Variants in VPS37D observed in about 807,000 individuals in gnomAD.
The protein encoded by VPS37D is vacuolar protein sorting-associated protein 37D.
A neutral mutation model predicts 22.0 loss-of-function variants in VPS37D; 5 were observed. That is an observed-to-expected ratio of 0.23 (90% CI 0.12 to 0.48). The LOEUF is 0.48. VPS37D is among the 20% of genes least tolerant of loss of function. VPS37D has a pLI of 0.99. For missense variants in VPS37D, 384 were observed against 345.8 expected (o/e 1.11, Z -0.88); for synonymous variants, 174 against 159.3 (o/e 1.09, Z -0.69).
rs1554608971 is a variant in VPS37D, at chr7:73,667,943, G to A, written c.-16G>A. ...GGGCCGAGCCAGCAGCCGAGCTGGG[G>A]GCGCGGGCGGGCGGCATGTACCGGG... On this transcript the variant is annotated 5_prime_UTR_variant, in exon 1 of 4. Transcript: ENST00000324941. 1 of 998,866 alleles carries A rather than the reference G, an allele frequency of 1.0e-6. No homozygotes were observed. The highest frequency in any genetic ancestry group is 1.8e-5 in the African/African-American group (1 of 56,976). 61.9% of individuals were successfully genotyped at this position (998,866 alleles called of 1,614,324 possible).
At chr7:73,666,897 G>A (rs1459908767), upstream of VPS37D, among the ~76,000 whole-genome samples, 1 of 151,502 alleles carries the variant, frequency 6.6e-6, no homozygotes, top group African/African-American at 2.4e-5. Context: ...GAGTAGCTAG[G>A]ACTACAGACG....
upstream of VPS37D, among the ~76,000 whole-genome samples, chr7:73,665,567 T>A (rs1797357114): frequency 6.6e-6 from 1 of 152,102 alleles, no homozygotes; most frequent in Non-Finnish European, 1.5e-5. Flanking sequence ...AAAGTAGAAG[T>A]GTTACTTTTA....
chr7:73,667,782 C>T (rs1327812538), upstream of VPS37D: 54 of 160,658 alleles, frequency 3.4e-4, 1 homozygote, highest in Non-Finnish European at 6.6e-4. Context: ...CCACCCCCAG[C>T]CCCGGCGCCG....
chr7:73,668,126 G>C (rs1797423916), intron 1 of VPS37D, 30 bp downstream of exon 1: 3 of 1,074,268 alleles, frequency 2.8e-6, no homozygotes, highest in Non-Finnish European at 3.4e-6. Flanking sequence ...CGGGGGGCGC[G>C]GGGGACGGGC....
In VPS37D at chr7:73,671,937, G is replaced by A. The variant is rs1267670348; in HGVS notation, c.*561G>A. 1.3e-5 allele frequency: 2 copies of A among 152,360 alleles called. No individual in the cohort carries two copies. The highest frequency in any genetic ancestry group is 2.9e-5 in the Non-Finnish European group (2 of 68,168). The allele number at this position is 152,360 out of a possible 1,614,324, so 9.4% of individuals were successfully genotyped here. ...CAGACCCTGGGGCAAGGTAGGCCAG[G>A]GGCTTCTGACCTGTGCAGGTGAGAG... On this transcript the variant is annotated 3_prime_UTR_variant, in exon 4 of 4. Transcript: ENST00000324941.
chr7:73,667,143 T>G (rs1327826639), upstream of VPS37D, among the ~76,000 whole-genome samples: 3 of 151,826 alleles, frequency 2.0e-5, no homozygotes, highest in East Asian at 5.8e-4. Context: ...CGGCTAATTT[T>G]TTTTGTATTT....
intron 1 of VPS37D, 129 bp from the exon 2 acceptor site, chr7:73,669,290 C>T (rs1797450379): frequency 1.6e-6 from 2 of 1,256,172 alleles, no homozygotes; most frequent in South Asian, 3.1e-5. Context: ...GGTTCACCAC[C>T]CTGAAGGGGT....
rs548665303 is a variant in VPS37D at position 73,669,879 on chromosome 7, G to A, written c.311-141G>A. On this transcript the variant is annotated intron_variant, in intron 2 of 3. Coordinates refer to ENST00000324941, the MANE Select transcript of VPS37D (RefSeq NM_001077621.2). ...TTGGTAGGGGCCGGATCCACAAAGC[G>A]GTCACATGGGCACGGTACAGATGAG... The A allele has an allele frequency of 6.7e-5, 94 of 1,413,372 alleles. No individual in the cohort carries two copies. In the African/African-American group the frequency reaches 1.0e-3, roughly 15 times the overall value. 87.6% of individuals were successfully genotyped at this position (1,413,372 alleles called of 1,614,324 possible). A position where few individuals can be genotyped will look rare whatever the true frequency, so the allele number is the denominator to read the frequency against.
At chr7:73,667,670 C>A (rs1163935374), upstream of VPS37D, among the ~76,000 whole-genome samples, 2 of 151,870 alleles carry the variant, frequency 1.3e-5, no homozygotes, top group Non-Finnish European at 2.9e-5. Context: ...GGCTCAGATT[C>A]CGGGAGGGGC....
upstream of VPS37D, among the ~76,000 whole-genome samples, chr7:73,667,323 G>T (rs980254981): frequency 1.3e-5 from 2 of 151,674 alleles, no homozygotes. Flanking sequence ...AGAGACGGGG[G>T]TCTTGTTATG....
In VPS37D at chr7:73,671,394, C is replaced by T; in HGVS notation, c.*18C>T. On this transcript the variant is annotated 3_prime_UTR_variant, in exon 4 of 4. Coordinates refer to ENST00000324941, the MANE Select transcript of VPS37D (RefSeq NM_001077621.2). ...ACCGGTAGGATCCACGGTGCGGCCCCCCAGTTGGGGGGCCTAGACAAACTT... is the reference window on the plus strand; with the variant it reads ...ACCGGTAGGATCCACGGTGCGGCCCTCCAGTTGGGGGGCCTAGACAAACTT... 4 of 1,356,106 alleles carry T rather than the reference C, an allele frequency of 2.9e-6. No homozygotes were observed. In the South Asian group the frequency reaches 6.9e-5, roughly 23 times the overall value. 84.0% of individuals were successfully genotyped at this position (1,356,106 alleles called of 1,614,324 possible).
At chr7:73,669,932 G>C (rs1797468845) in intron 2 of VPS37D, 88 bp from the exon 3 acceptor site, 1 of 1,542,924 alleles carries the variant, frequency 6.5e-7, no homozygotes, top group African/African-American at 1.4e-5. Context: ...CCAGGGGAAA[G>C]GGAAATATAG....
At chr7:73,669,636 T>C in intron 2 of VPS37D, 46 bp downstream of exon 2, 2 of 1,542,972 alleles carry the variant, frequency 1.3e-6, no homozygotes, top group Non-Finnish European at 1.8e-6. Flanking sequence ...TGGGGGCAGT[T>C]GGCCATCCGG....
At chr7:73,667,299 A>T (rs879961720), upstream of VPS37D, among the ~76,000 whole-genome samples, 2 of 151,126 alleles carry the variant, frequency 1.3e-5, no homozygotes, top group African/African-American at 2.4e-5. Context: ...GACAATTTTT[A>T]AATTTTTTTA....
At chr7:73,670,732 C>G (rs909000747) in intron 3 of VPS37D, among the ~76,000 whole-genome samples, 1 of 152,020 alleles carries the variant, frequency 6.6e-6, no homozygotes, top group Non-Finnish European at 1.5e-5. Flanking sequence ...ATTGCTTGAA[C>G]CCGGGAGGTG....
chr7:73,671,703 C>T lies in VPS37D; in HGVS notation c.*327C>T, dbSNP rs571750665. ...GGGCCTGGGAAGATGCCTGGGTCCC[C>T]TAGGGGCCTTGCCAAGGGGACCTGT... On this transcript the variant is annotated 3_prime_UTR_variant, in exon 4 of 4. Transcript: ENST00000324941. 6.1e-4 allele frequency: 96 copies of T among 158,672 alleles called. No homozygotes were observed. Among genetic ancestry groups the T allele is most frequent in the African/African-American group, 2.2e-3 (94 of 41,804 alleles). 9.8% of individuals were successfully genotyped at this position (158,672 alleles called of 1,614,324 possible).
chr7:73,671,201 C>T lies in VPS37D; in HGVS notation c.581C>T (p.Pro194Leu), dbSNP rs781794766. ...TSAADPPKSF[P>L]AAAVLPTGAA... ...GCTGCTGATCCCCCCAAATCCTTCC[C>T]GGCTGCAGCTGTCCTGCCCACTGGG... is the stretch of plus-strand genomic sequence containing the variant. The change falls in exon 4 of 4, where the codon CCG becomes CTG. Residue 194 changes from proline to leucine, a missense_variant. Physicochemically the swap from Pro to Leu is moderately conservative, Grantham distance 98. Transcript: ENST00000324941. 6.9e-6 allele frequency: 11 copies of T among 1,593,308 alleles called. No individual in the cohort carries two copies. The highest frequency in any genetic ancestry group is 4.5e-5 in the South Asian group (4 of 89,524).
upstream of VPS37D, among the ~76,000 whole-genome samples, chr7:73,666,239 G>A (rs1057495579): frequency 6.6e-6 from 1 of 152,158 alleles, no homozygotes; most frequent in Non-Finnish European, 1.5e-5. Flanking sequence ...TTAGTTGAGT[G>A]GGAATGGGAC....
chr7:73,666,538 C>A (rs1222711000), upstream of VPS37D, among the ~76,000 whole-genome samples: 2 of 152,032 alleles, frequency 1.3e-5, no homozygotes, highest in African/African-American at 2.4e-5. Flanking sequence ...AAGCGATTCT[C>A]CTGCCTCAGC....
Sources: gnomAD v4.1 joint callset for allele counts (sites outside exome capture counted in the v4.1 genomes callset) on GRCh38, gnomAD v4.1.1 for gene constraint, MANE v1.5 for transcripts, NCBI Gene and HGNC (gene_info 2026-07-23, HGNC 2026-07-21) for gene names.